The following ANKIB1 variants were observed in gnomAD, a reference collection of about 807,000 sequenced individuals.
ANKIB1 encodes ankyrin repeat and IBR domain containing 1, also known as ankyrin repeat and IBR domain-containing protein 1.
ANKIB1 carries 43 observed loss-of-function variants against 122.1 expected under a neutral mutation model. The ratio of observed to expected loss-of-function variants is 0.35; its 90% CI spans 0.28 to 0.45. ANKIB1 has a LOEUF of 0.45. Ranked by LOEUF, ANKIB1 falls within the 20% of genes least tolerant of loss-of-function variation. The pLI, the probability that ANKIB1 is intolerant of heterozygous loss-of-function variation, is 1.00. For synonymous variants in ANKIB1, 390 were observed against 442.0 expected (o/e 0.88, Z 1.48); for missense variants, 992 against 1,329.5 (o/e 0.75, Z 3.95).
chr7:92,302,529 A>G (rs1802479103), intron 2 of ANKIB1, among the ~76,000 whole-genome samples: 1 of 152,166 alleles, frequency 6.6e-6, no homozygotes, highest in East Asian at 1.9e-4. Flanking sequence ...ATCCATACTC[A>G]CAGCTACTGC....
At chr7:92,288,866 C>T (rs918022062) in intron 1 of ANKIB1, among the ~76,000 whole-genome samples, 2 of 152,078 alleles carry the variant, frequency 1.3e-5, no homozygotes, top group Non-Finnish European at 2.9e-5. Context: ...AAAAATCCTA[C>T]TAACTAGAAA....
At chr7:92,299,304 A>G (rs1039671225) in intron 2 of ANKIB1, among the ~76,000 whole-genome samples, 3 of 152,344 alleles carry the variant, frequency 2.0e-5, no homozygotes, top group Non-Finnish European at 2.9e-5. Context: ...CAGTAAATCA[A>G]TATTTTTGAG....
In ANKIB1 at chr7:92,309,942, A is replaced by AATAT. The variant is rs1162113763; in HGVS notation, c.486+2304_486+2307dup. On this transcript the variant is annotated intron_variant, in intron 3 of 19. Transcript: ENST00000265742. ...TCCATCTAAAAAAAAAAAAAAAAAA[A>AATAT]ATATATATATATATATATATAAATT... Among the ~76,000 whole-genome samples the AATAT allele has an allele frequency of 4.0e-3, 371 of 91,732 alleles. 12 individuals are homozygous for AATAT. In the Middle Eastern group the frequency reaches 0.041, roughly 10 times the overall value. The allele number at this position is 91,732 out of a possible 152,430, so 60.2% of individuals were successfully genotyped here.
chr7:92,382,761 G>A (rs1804546330), intron 11 of ANKIB1, among the ~76,000 whole-genome samples: 1 of 152,166 alleles, frequency 6.6e-6, no homozygotes, highest in Non-Finnish European at 1.5e-5. Context: ...GAAATTTATA[G>A]CACTAAATGC....
At chr7:92,354,786 C>T (rs1803752679) in intron 9 of ANKIB1, among the ~76,000 whole-genome samples, 1 of 152,098 alleles carries the variant, frequency 6.6e-6, no homozygotes, top group Non-Finnish European at 1.5e-5. Flanking sequence ...TTCTGTTGCT[C>T]TTATCTCTTA....
At chr7:92,293,716 A>G (rs986847119) in intron 1 of ANKIB1, among the ~76,000 whole-genome samples, 9 of 152,138 alleles carry the variant, frequency 5.9e-5, no homozygotes, top group Non-Finnish European at 1.2e-4. Context: ...TCTGGTCCCA[A>G]CCTATTTTTT....
chr7:92,266,952 G>A (rs542256524), intron 1 of ANKIB1, among the ~76,000 whole-genome samples: 2 of 152,316 alleles, frequency 1.3e-5, no homozygotes, highest in South Asian at 2.1e-4. Context: ...AGCGCAGTGG[G>A]TAATGGAGGA....
intron 1 of ANKIB1, among the ~76,000 whole-genome samples, chr7:92,285,205 G>A (rs532974994): frequency 4.9e-4 from 75 of 152,160 alleles, no homozygotes; most frequent in African/African-American, 1.8e-3. Context: ...TTAGTAGATG[G>A]GGTTTCACCA....
In ANKIB1 at chr7:92,345,051, G is replaced by A; in HGVS notation, c.1070G>A (p.Arg357Lys). 1 of 1,612,926 alleles carries A rather than the reference G, an allele frequency of 6.2e-7. No individual in the cohort carries two copies. The highest frequency in any genetic ancestry group is 1.1e-5 in the South Asian group (1 of 91,034). ...VDMPCGHDFC[R>K]GCWESFLNLK... Reference sequence around the variant, plus strand: ...ATGCCCTGTGGACATGACTTTTGTAGAGGATGTTGGGAGTCGTGAGTATAT... The same window carrying A: ...ATGCCCTGTGGACATGACTTTTGTAAAGGATGTTGGGAGTCGTGAGTATAT... Residue 357 changes from arginine (R) to lysine (K), a missense_variant, in exon 7 of 20, where the codon AGA becomes AAA. Around this residue, in one of 4 missense-constraint regions of ANKIB1, gnomAD observed 521 missense variants for 777.7 expected, o/e 0.67. Transcript: ENST00000265742.
At chr7:92,355,850 T>TAAC (rs1254701047) in intron 9 of ANKIB1, among the ~76,000 whole-genome samples, 1 of 52,890 alleles carries the variant, frequency 1.9e-5, no homozygotes, top group East Asian at 3.2e-4. Context: ...CTCCGTCTCA[T>TAAC]AATAATAATA....
intron 3 of ANKIB1, among the ~76,000 whole-genome samples, chr7:92,314,073 G>T (rs1315789537): frequency 2.0e-5 from 3 of 152,032 alleles, no homozygotes; most frequent in Non-Finnish European, 2.9e-5. Flanking sequence ...CGAGGCGGGA[G>T]CGTATCTTGA....
intron 11 of ANKIB1, among the ~76,000 whole-genome samples, chr7:92,380,193 A>C (rs1804480125): frequency 6.6e-6 from 1 of 152,208 alleles, no homozygotes; most frequent in Non-Finnish European, 1.5e-5. Flanking sequence ...GGGGAGGGGC[A>C]TCTGCCATTG....
intron 2 of ANKIB1, among the ~76,000 whole-genome samples, chr7:92,303,830 G>A (rs1802501153): frequency 6.6e-6 from 1 of 152,140 alleles, no homozygotes; most frequent in Admixed American, 6.5e-5. Context: ...TCCATGTAGT[G>A]ATAAGAATAG....
intron 4 of ANKIB1, 148 bp downstream of exon 4, chr7:92,319,660 A>C: frequency 1.2e-6 from 1 of 825,858 alleles, no homozygotes; most frequent in East Asian, 2.8e-5. Flanking sequence ...ATAAAGTATA[A>C]AAATACATCT....
At chr7:92,376,630 G>GCC (rs1804389373) in intron 11 of ANKIB1, among the ~76,000 whole-genome samples, 1 of 151,832 alleles carries the variant, frequency 6.6e-6, no homozygotes, top group Non-Finnish European at 1.5e-5. Flanking sequence ...TGTATTTTTA[G>GCC]TAGAGAAGGG....
At chr7:92,297,995 C>T (rs560591551) in intron 2 of ANKIB1, among the ~76,000 whole-genome samples, 1 of 152,212 alleles carries the variant, frequency 6.6e-6, no homozygotes, top group African/African-American at 2.4e-5. Flanking sequence ...AATTACCTGT[C>T]CTTTAAGTCC....
intron 5 of ANKIB1, among the ~76,000 whole-genome samples, chr7:92,332,178 T>G (rs1057219384): frequency 4.6e-5 from 7 of 152,216 alleles, no homozygotes; most frequent in African/African-American, 1.7e-4. Flanking sequence ...TGAGCATCTC[T>G]TCTCTGTTGT....
At chr7:92,289,052 A>G (rs1163811141) in intron 1 of ANKIB1, among the ~76,000 whole-genome samples, 1 of 152,222 alleles carries the variant, frequency 6.6e-6, no homozygotes, top group East Asian at 1.9e-4. Flanking sequence ...GTTCATTTAA[A>G]GCCTATATAT....
chr7:92,263,767 A>T (rs1466272776), intron 1 of ANKIB1, among the ~76,000 whole-genome samples: 2 of 152,234 alleles, frequency 1.3e-5, no homozygotes, highest in East Asian at 3.8e-4. Flanking sequence ...GATATAGTTT[A>T]CTTACTCTTA....
Sources: allele counts gnomAD v4.1 joint callset (sites outside exome capture counted in the v4.1 genomes callset), GRCh38; gene constraint gnomAD v4.1.1; regional missense constraint gnomAD v4.1.1; transcripts MANE v1.5; gene names NCBI Gene and HGNC (gene_info 2026-07-23, HGNC 2026-07-21).